Variants in WASHC2C observed in about 807,000 individuals in gnomAD.
WASHC2C encodes the protein WASH complex subunit 2C, also known as Vaccinia Penetration Factor.
Under a neutral mutation model 142.2 loss-of-function variants are expected in WASHC2C, and 73 were observed. The observed-to-expected ratio is 0.51, with a 90% CI of 0.43 to 0.62. WASHC2C has a LOEUF of 0.62. Ranked by LOEUF, WASHC2C falls within the 20% of genes least tolerant of loss-of-function variation. The pLI is 0.00. For missense variants in WASHC2C, 969 were observed against 1,531.7 expected, an observed-to-expected ratio of 0.63 and a Z score of 6.13; for synonymous variants, 337 against 565.5, an observed-to-expected ratio of 0.60 and a Z score of 5.73.
chr10:45,732,944 C>G (rs2050772989), intron 3 of WASHC2C, among the ~76,000 whole-genome samples: 1 of 152,274 alleles, frequency 6.6e-6, no homozygotes, highest in Admixed American at 6.5e-5. Flanking sequence ...TTTCCCTCTC[C>G]CCCTAGACCT....
rs1336858678 is a variant in WASHC2C, at chr10:45,750,869, G to C, written c.931+31G>C. On this transcript the variant is annotated intron_variant, in intron 10 of 30. Transcript: ENST00000623400. ...CCCCAGCCACGTTGATGGGGAGTAGGGGAGGAGTAGTGCAGGGCCCTCTGC... is the reference window on the plus strand; with the variant it reads ...CCCCAGCCACGTTGATGGGGAGTAGCGGAGGAGTAGTGCAGGGCCCTCTGC... The C allele has an allele frequency of 3.2e-6, 5 of 1,543,942 alleles. No homozygotes were observed. In the African/African-American group the frequency reaches 5.6e-5, roughly 17 times the overall value.
intron 23 of WASHC2C, among the ~76,000 whole-genome samples, chr10:45,783,340 G>T (rs2057666588): frequency 6.6e-6 from 1 of 152,170 alleles, no homozygotes; most frequent in Non-Finnish European, 1.5e-5. Flanking sequence ...TTCCACAGTT[G>T]TGAAATATTT....
intron 3 of WASHC2C, among the ~76,000 whole-genome samples, chr10:45,730,074 GT>G (rs2050354761): frequency 7.3e-6 from 1 of 136,340 alleles, no homozygotes; most frequent in Non-Finnish European, 1.6e-5. Context: ...GCCAGGCGTG[GT>G]GGCTCATGCC....
chr10:45,769,327 C>G, intron 19 of WASHC2C, 122 bp from the exon 20 acceptor site: 3 of 1,438,256 alleles, frequency 2.1e-6, no homozygotes, highest in Admixed American at 2.1e-5. Context: ...ACCGTGTTAG[C>G]AAGGATGGTC....
chr10:45,792,948 A>C lies in WASHC2C; in HGVS notation c.*548A>C. 2.1e-6 allele frequency: 1 copy of C among 469,072 alleles called. No individual in the cohort carries two copies. The allele number at this position is 469,072 out of a possible 1,614,324, so 29.1% of individuals were successfully genotyped here. A position where few individuals can be genotyped will look rare whatever the true frequency, so the allele number is the denominator to read the frequency against. On this transcript the variant is annotated 3_prime_UTR_variant, in exon 31 of 31. Coordinates refer to ENST00000623400, the MANE Select transcript of WASHC2C (RefSeq NM_001330074.2). ...TGTCATATTTTGTTAATAAAATTTT[A>C]TTGGAACACAATCACATTCATTTGT...
Position 45,785,589 on chromosome 10 carries a change from A to G in WASHC2C, c.2769A>G (p.Gln923=). The change falls in exon 26 of 31, where the codon CAA becomes CAG. Residue 923 remains glutamine (Q), a synonymous_variant. Coordinates refer to ENST00000623400, the MANE Select transcript of WASHC2C (RefSeq NM_001330074.2). ...ACCAGAAACATCCTGAATCCATTCA[A>G]GGTAGTAAAGAAAAAGGCATATGGA... is the stretch of plus-strand genomic sequence containing the variant. ...FKNQKHPESI[Q]GSKEKGIWKP... 6.2e-7 allele frequency: 1 copy of G among 1,613,984 alleles called. No individual in the cohort carries two copies. The highest frequency in any genetic ancestry group is 8.5e-7 in the Non-Finnish European group (1 of 1,179,870).
chr10:45,757,838 T>C (rs1203957630), intron 16 of WASHC2C, among the ~76,000 whole-genome samples: 21 of 152,346 alleles, frequency 1.4e-4, no homozygotes, highest in South Asian at 6.2e-4. Flanking sequence ...AGGAGGAGCT[T>C]AGGCAGTAAT....
At chr10:45,761,436 T>C (rs1252683244) in intron 17 of WASHC2C, among the ~76,000 whole-genome samples, 2 of 152,204 alleles carry the variant, frequency 1.3e-5, no homozygotes, top group Non-Finnish European at 2.9e-5. Context: ...TAGGCTCCCC[T>C]TCTTGATGGT....
intron 20 of WASHC2C, among the ~76,000 whole-genome samples, chr10:45,770,519 T>C (rs1456851370): frequency 1.3e-5 from 2 of 151,456 alleles, no homozygotes; most frequent in Admixed American, 1.3e-4. Flanking sequence ...CCTGACATGA[T>C]TACTTTGAAA....
chr10:45,749,855 ATT>A (rs1169255774), intron 8 of WASHC2C, among the ~76,000 whole-genome samples: 4 of 132,064 alleles, frequency 3.0e-5, no homozygotes, highest in South Asian at 2.4e-4. Flanking sequence ...ATATATATAT[ATT>A]TATATATATA....
intron 3 of WASHC2C, among the ~76,000 whole-genome samples, chr10:45,736,355 G>A (rs185149732): frequency 0.015 from 1,871 of 121,970 alleles, 40 homozygotes; most frequent in African/African-American, 0.054. Context: ...GCAGTGAGCC[G>A]AGATCGCACC....
chr10:45,727,057 A>G, upstream of WASHC2C: 5 of 1,200,716 alleles, frequency 4.2e-6, no homozygotes, highest in Non-Finnish European at 5.5e-6. Context: ...CCGCCTCTGC[A>G]GCGTTCCTGG....
At chr10:45,779,951 C>A (rs1399407134) in intron 23 of WASHC2C, among the ~76,000 whole-genome samples, 1 of 150,228 alleles carries the variant, frequency 6.7e-6, no homozygotes, top group African/African-American at 2.5e-5. Flanking sequence ...CACCACTGCA[C>A]TCCAGTGTGG....
intron 26 of WASHC2C, 159 bp from the exon 27 acceptor site, chr10:45,786,439 CGTGAAGTAGTGCTA>C (rs781850589): frequency 1.6e-5 from 13 of 814,108 alleles, no homozygotes; most frequent in Non-Finnish European, 2.7e-5. Flanking sequence ...AGGAGGCATA[CGTGAAGTAGTGCTA>C]GTGAAACATC....
At chr10:45,748,539 C>T (rs2053141279) in intron 8 of WASHC2C, among the ~76,000 whole-genome samples, 3 of 152,226 alleles carry the variant, frequency 2.0e-5, no homozygotes, top group Non-Finnish European at 4.4e-5. Context: ...ATCCGCCTGC[C>T]TCAGCTTCCC....
intron 3 of WASHC2C, among the ~76,000 whole-genome samples, chr10:45,730,037 A>C (rs2050349415): frequency 6.9e-6 from 1 of 144,476 alleles, no homozygotes; most frequent in Non-Finnish European, 1.5e-5. Flanking sequence ...AGGAGTACTT[A>C]TGAGTTTGAA....
At position 45,792,723 on chromosome 10, in the gene WASHC2C, A is replaced by C. The variant is rs1258341144; in HGVS notation, c.*323A>C. ...GGCTTTCATGGGCAGGGAATCTCAG[A>C]GATAGCAAATGCCACCTGACCAGAA... On this transcript the variant is annotated 3_prime_UTR_variant, in exon 31 of 31. Coordinates refer to ENST00000623400, the MANE Select transcript of WASHC2C (RefSeq NM_001330074.2). 1.1e-5 allele frequency: 6 copies of C among 532,782 alleles called. No homozygotes were observed. In the African/African-American group the frequency reaches 1.1e-4, roughly 10 times the overall value. 33.0% of individuals were successfully genotyped at this position (532,782 alleles called of 1,614,324 possible).
Position 45,788,932 on chromosome 10 carries a change from C to T in WASHC2C, c.3149C>T (p.Ala1050Val), listed in dbSNP as rs1160649193. 10 of 1,612,066 alleles carry T rather than the reference C, an allele frequency of 6.2e-6. No homozygotes were observed. Among genetic ancestry groups the T allele is most frequent in the Non-Finnish European group, 7.6e-6 (9 of 1,179,874 alleles). The change falls in exon 29 of 31, where the codon GCT becomes GTT. Residue 1050 changes from alanine (A) to valine (V), a missense_variant. Physicochemically the swap from Ala to Val is moderately conservative, Grantham distance 64 (BLOSUM62 0). Transcript: ENST00000623400. ...PQTRAARRLA[A>V]QESSEAEDMS... Reference sequence around the variant, plus strand: ...ACCCGTGCAGCTAGGCGGCTGGCTGCTCAGGAGTCCAGCGAGGCTGAGGAC... The same window carrying T: ...ACCCGTGCAGCTAGGCGGCTGGCTGTTCAGGAGTCCAGCGAGGCTGAGGAC...
In WASHC2C at chr10:45,784,260, A is replaced by G. The variant is rs1564819341; in HGVS notation, c.2479-305A>G. On this transcript the variant is annotated intron_variant, in intron 23 of 30. Transcript: ENST00000623400. ...TATATATGTGTGTGTGTGTATATAT[A>G]TATATATATATATATATATATATAT... Among the ~76,000 whole-genome samples the G allele has an allele frequency of 2.3e-3, 12 of 5,190 alleles. 1 individual carries two copies. The Admixed American group carries it at 0.025, about 11-fold the overall frequency. 3.4% of individuals were successfully genotyped at this position (5,190 alleles called of 152,430 possible). A position where few individuals can be genotyped will look rare whatever the true frequency, so the allele number is the denominator to read the frequency against.
Sources: allele counts gnomAD v4.1 joint callset (sites outside exome capture counted in the v4.1 genomes callset), GRCh38; gene constraint gnomAD v4.1.1; transcripts MANE v1.5; gene names NCBI Gene and HGNC (gene_info 2026-07-23, HGNC 2026-07-21).